RRP1B: variants seen among roughly 807,000 people sequenced by gnomAD.
RRP1B encodes ribosomal RNA processing 1B.
In RRP1B, 56 loss-of-function variants were observed where a neutral mutation model predicts 80.2. The observed-to-expected ratio is 0.70, with a 90% CI of 0.56 to 0.87. The LOEUF (loss-of-function observed/expected upper bound fraction) is 0.87, where lower values mean the gene tolerates loss of function less well. RRP1B is among the 40% of genes least tolerant of loss of function. The pLI is 0.00. For synonymous variants in RRP1B, 351 were observed against 357.6 expected (o/e 0.98, Z 0.21); for missense variants, 807 against 939.8 (o/e 0.86, Z 1.85).
At chr21:43,692,276 A>G (rs1050915887) in intron 15 of RRP1B, among the ~76,000 whole-genome samples, 1 of 152,162 alleles carries the variant, frequency 6.6e-6, no homozygotes, top group Non-Finnish European at 1.5e-5. Context: ...CATCCATTCG[A>G]GTTGCTTTTA....
intron 9 of RRP1B, 71 bp downstream of exon 9, chr21:43,683,444 C>T: frequency 8.3e-7 from 1 of 1,210,948 alleles, no homozygotes; most frequent in Non-Finnish European, 1.2e-6. Context: ...GAATTAGGGT[C>T]ACAGCTAGTT....
chr21:43,674,541 T>C lies in RRP1B; in HGVS notation c.358-95T>C, dbSNP rs1450648625. 6.8e-6 allele frequency: 6 copies of C among 888,726 alleles called. No homozygotes were observed. The East Asian group carries it at 1.1e-4, about 16-fold the overall frequency. 55.1% of individuals were successfully genotyped at this position (888,726 alleles called of 1,614,324 possible). Reference sequence around the variant, plus strand: ...TGGGATCCAGGCCATAACAATTTCATTGGTCCCTTCATTCTGCTGAGCTGA... The same window carrying C: ...TGGGATCCAGGCCATAACAATTTCACTGGTCCCTTCATTCTGCTGAGCTGA... On this transcript the variant is annotated intron_variant, in intron 4 of 15. Coordinates refer to ENST00000340648, the MANE Select transcript of RRP1B (RefSeq NM_015056.3).
At chr21:43,673,188 C>T (rs929172281) in intron 3 of RRP1B, among the ~76,000 whole-genome samples, 2 of 152,096 alleles carry the variant, frequency 1.3e-5, no homozygotes, top group African/African-American at 4.8e-5. Context: ...GGTACCAGTG[C>T]AGTAGGAAGA....
chr21:43,693,266 G>T lies in RRP1B; in HGVS notation c.2160G>T (p.Lys720Asn). 6.2e-7 allele frequency: 1 copy of T among 1,614,024 alleles called. No individual in the cohort carries two copies. The highest frequency in any genetic ancestry group is 2.2e-5 in the East Asian group (1 of 44,868). ...GAGTGGCCTTCGACCCTGAACAGAAGCCCCTCCACGGGGTGCTGAAGACCC... is the reference window on the plus strand; with the variant it reads ...GAGTGGCCTTCGACCCTGAACAGAATCCCCTCCACGGGGTGCTGAAGACCC... ...PSRVAFDPEQ[K>N]PLHGVLKTPT... The change falls in exon 16 of 16, where the codon AAG (lysine) becomes AAT (asparagine). Residue 720 changes from lysine (K) to asparagine (N), a missense_variant. Coordinates refer to ENST00000340648, the MANE Select transcript of RRP1B (RefSeq NM_015056.3). This position sits in a 1 kb window ranked among gnomAD's most constrained non-coding sequence, Gnocchi z 4.1.
intron 4 of RRP1B, 43 bp downstream of exon 4, chr21:43,673,998 A>C: frequency 5.0e-6 from 7 of 1,408,328 alleles, no homozygotes; most frequent in Non-Finnish European, 7.0e-6. Context: ...TGGGAAGAAA[A>C]GAATGTCCTT....
chr21:43,687,970 C>A lies in RRP1B; in HGVS notation c.1596C>A (p.Val532=). The part of the protein sequence containing the change: ...KRKRKLGVVP[V]NGSGLSTPAW... ...AGCGGAAACTTGGAGTTGTGCCCGTCAATGGCAGTGGCCTGTCCACGCCGG... is the reference window on the plus strand; with the variant it reads ...AGCGGAAACTTGGAGTTGTGCCCGTAAATGGCAGTGGCCTGTCCACGCCGG... The change falls in exon 13 of 16, where the codon GTC becomes GTA. Residue 532 remains valine (V), a synonymous_variant. Coordinates refer to ENST00000340648, the MANE Select transcript of RRP1B (RefSeq NM_015056.3). The A allele has an allele frequency of 4.3e-6, 7 of 1,613,206 alleles. No homozygotes were observed. The highest frequency in any genetic ancestry group is 5.9e-6 in the Non-Finnish European group (7 of 1,180,042).
At chr21:43,674,337 A>G (rs1198244150) in intron 4 of RRP1B, among the ~76,000 whole-genome samples, 1 of 152,066 alleles carries the variant, frequency 6.6e-6, no homozygotes, top group Non-Finnish European at 1.5e-5. Context: ...TTGTATTTTT[A>G]GTAGAGATAA....
At chr21:43,660,683 C>T (rs1013212502) in intron 1 of RRP1B, among the ~76,000 whole-genome samples, 1 of 152,184 alleles carries the variant, frequency 6.6e-6, no homozygotes, top group South Asian at 2.1e-4. Context: ...CAGCTCAGAT[C>T]TGAAGAGAAA....
intron 3 of RRP1B, among the ~76,000 whole-genome samples, chr21:43,672,726 C>T (rs751489575): frequency 6.6e-6 from 1 of 152,210 alleles, no homozygotes; most frequent in South Asian, 2.1e-4. Context: ...TAGAAGACAC[C>T]ACCGGTCACA....
rs1473340426 is a variant in RRP1B at position 43,693,645 on chromosome 21, T to C, written c.*262T>C. The C allele has an allele frequency of 3.1e-5, 12 of 389,916 alleles. No individual in the cohort carries two copies. The highest frequency in any genetic ancestry group is 2.1e-4 in the South Asian group (5 of 23,318). 24.2% of individuals were successfully genotyped at this position (389,916 alleles called of 1,614,324 possible). A position where few individuals can be genotyped will look rare whatever the true frequency, so the allele number is the denominator to read the frequency against. On this transcript the variant is annotated 3_prime_UTR_variant, in exon 16 of 16. Coordinates refer to ENST00000340648, the MANE Select transcript of RRP1B (RefSeq NM_015056.3). The surrounding 1 kb of genome is among the most constrained non-coding windows in gnomAD (Gnocchi z 4.1). ...TTTTGGGTAACCTCAGTGATTCCCA[T>C]TGGTGTAGGAAATGAGACCCTCTCT...
intron 8 of RRP1B, among the ~76,000 whole-genome samples, chr21:43,682,608 C>G (rs1214034795): frequency 2.0e-5 from 3 of 152,238 alleles, no homozygotes; most frequent in Non-Finnish European, 4.4e-5. Context: ...GCTCCTACCC[C>G]TGGTGGTCCA....
chr21:43,659,814 C>T lies in RRP1B; in HGVS notation c.130+20C>T. 1 of 1,494,834 alleles carries T rather than the reference C, an allele frequency of 6.7e-7. No homozygotes were observed. The highest frequency in any genetic ancestry group is 9.0e-7 in the Non-Finnish European group (1 of 1,116,916). The allele number at this position is 1,494,834 out of a possible 1,614,324, so 92.6% of individuals were successfully genotyped here. ...AGACAGGTGGGCGCACGGCCGCGGT[C>T]AGCCGCGCCACATGGCGGGCCGGGG... is the stretch of plus-strand genomic sequence containing the variant. On this transcript the variant is annotated intron_variant, in intron 1 of 15. Transcript: ENST00000340648. The surrounding 1 kb of genome is among the most constrained non-coding windows in gnomAD (Gnocchi z 4.2).
chr21:43,674,105 G>T, intron 4 of RRP1B, 150 bp downstream of exon 4: 1 of 609,152 alleles, frequency 1.6e-6, no homozygotes, highest in Non-Finnish European at 2.8e-6. Context: ...AAGCTTCTCT[G>T]TTTTGGCTTT....
At position 43,661,822 on chromosome 21, in the gene RRP1B, A is replaced by G. The variant is rs148066064; in HGVS notation, c.130+2028A>G. 9.8e-5 allele frequency among the ~76,000 whole-genome samples: 15 copies of G among 152,306 alleles called. No homozygotes were observed. The East Asian group carries it at 2.7e-3, about 27-fold the overall frequency. ...CAGAATCGGTGATGGTTCTTGGTGT[A>G]CAGCACACAATTTCTCACCTCTCTG... On this transcript the variant is annotated intron_variant, in intron 1 of 15. Coordinates refer to ENST00000340648, the MANE Select transcript of RRP1B (RefSeq NM_015056.3).
chr21:43,692,237 C>G (rs746837590), intron 15 of RRP1B, among the ~76,000 whole-genome samples: 1 of 152,176 alleles, frequency 6.6e-6, no homozygotes, highest in Non-Finnish European at 1.5e-5. Context: ...GAAGGGTAAC[C>G]CCTATCTTCC....
chr21:43,660,550 G>A (rs943594090), intron 1 of RRP1B, among the ~76,000 whole-genome samples: 1 of 152,142 alleles, frequency 6.6e-6, no homozygotes, highest in Non-Finnish European at 1.5e-5. Flanking sequence ...CAACAAGAGC[G>A]AAACTCCGTC....
chr21:43,686,766 G>C, intron 11 of RRP1B, 38 bp from the exon 12 acceptor site: 1 of 1,611,628 alleles, frequency 6.2e-7, no homozygotes, highest in East Asian at 2.2e-5. Context: ...AGTCTTGAGC[G>C]CCTGGGGAAG....
chr21:43,659,939 C>G lies in RRP1B; in HGVS notation c.130+145C>G. ...GCTTCGGTTTCCGCGCTGCCGGAAC[C>G]GCTTCTTGCTGTGTCTAGTGCCTTT... is the stretch of plus-strand genomic sequence containing the variant. On this transcript the variant is annotated intron_variant, in intron 1 of 15. Coordinates refer to ENST00000340648, the MANE Select transcript of RRP1B (RefSeq NM_015056.3). The surrounding 1 kb of genome is among the most constrained non-coding windows in gnomAD (Gnocchi z 4.2). The G allele has an allele frequency of 1.1e-6, 1 of 939,118 alleles. No homozygotes were observed. 58.2% of individuals were successfully genotyped at this position (939,118 alleles called of 1,614,324 possible).
rs1037191516 is a variant in RRP1B, at chr21:43,691,773, G to A, written c.2083+271G>A. 2.0e-5 allele frequency among the ~76,000 whole-genome samples: 3 copies of A among 152,136 alleles called. No homozygotes were observed. Among genetic ancestry groups the A allele is most frequent in the East Asian group, 1.9e-4 (1 of 5,170 alleles). ...TCCTGCCTCAGGCTGCCGGGTAGCG[G>A]GTAGCTGGGATCACAGGTGCACGCC... is the stretch of plus-strand genomic sequence containing the variant. On this transcript the variant is annotated intron_variant, in intron 15 of 15. Coordinates refer to ENST00000340648, the MANE Select transcript of RRP1B (RefSeq NM_015056.3). This position sits in a 1 kb window ranked among gnomAD's most constrained non-coding sequence, Gnocchi z 4.2.
Sources: gnomAD v4.1 joint callset for allele counts (sites outside exome capture counted in the v4.1 genomes callset) on GRCh38, gnomAD v4.1.1 for gene constraint, Gnocchi (gnomAD v3.1) non-coding constraint, MANE v1.5 for transcripts, NCBI Gene and HGNC (gene_info 2026-07-23, HGNC 2026-07-21) for gene names.